NPR3: variants seen among roughly 807,000 people sequenced by gnomAD.
The protein encoded by NPR3 is atrial natriuretic peptide receptor 3.
Under a neutral mutation model 54.5 loss-of-function variants are expected in NPR3, and 34 were observed. The ratio of observed to expected loss-of-function variants is 0.62; its 90% CI spans 0.47 to 0.83. The LOEUF (loss-of-function observed/expected upper bound fraction) is 0.83. Among genes scored for constraint, NPR3 ranks in the 40% least tolerant of loss-of-function variants. NPR3 has a pLI of 0.00. For synonymous variants in NPR3, 289 were observed against 297.1 expected, an observed-to-expected ratio of 0.97 and a Z score of 0.28; for missense variants, 674 against 720.8, an observed-to-expected ratio of 0.94 and a Z score of 0.74.
intron 3 of NPR3, among the ~76,000 whole-genome samples, chr5:32,747,757 ATT>A (rs34349060): frequency 7.0e-4 from 95 of 135,862 alleles, no homozygotes; most frequent in African/African-American, 1.1e-3. Context: ...GGAGGCATGC[ATT>A]TTTTTTTTTT....
rs1738220969 is a variant in NPR3 at position 32,711,511 on chromosome 5, A to G, written c.-266A>G. 8.6e-7 allele frequency: 1 copy of G among 1,165,662 alleles called. No homozygotes were observed. Among genetic ancestry groups the G allele is most frequent in the African/African-American group, 1.6e-5 (1 of 63,138 alleles). 72.2% of individuals were successfully genotyped at this position (1,165,662 alleles called of 1,614,324 possible). ...GGCGAATATATACAAGTATATATAT[A>G]TGTATATTACAGACGCACAGGTTTA... On this transcript the variant is annotated 5_prime_UTR_variant, in exon 1 of 8. In the 5' UTR this introduces an upstream ATG that the reference lacks. Transcript: ENST00000265074.
chr5:32,729,562 C>A (rs531485963), intron 2 of NPR3, among the ~76,000 whole-genome samples: 2 of 152,136 alleles, frequency 1.3e-5, no homozygotes, highest in African/African-American at 4.8e-5. Context: ...TGTATGAACA[C>A]CATAGGTTTT....
upstream of NPR3, among the ~76,000 whole-genome samples, chr5:32,706,883 A>C (rs143544754): frequency 8.4e-3 from 1,284 of 152,314 alleles, 7 homozygotes; most frequent in Non-Finnish European, 0.014. Context: ...CACCACTCAG[A>C]AGAGTGTCTT....
At chr5:32,769,342 C>G (rs572657433) in intron 3 of NPR3, among the ~76,000 whole-genome samples, 1 of 152,198 alleles carries the variant, frequency 6.6e-6, no homozygotes, top group Admixed American at 6.5e-5. Context: ...TCCCAGACTA[C>G]TTCCTTCTGC....
chr5:32,775,315 C>G (rs1284326574), intron 4 of NPR3, among the ~76,000 whole-genome samples: 1 of 143,908 alleles, frequency 6.9e-6, no homozygotes, highest in South Asian at 2.2e-4. Flanking sequence ...TTTTTTGAGA[C>G]GGAGTTTTTG....
intron 3 of NPR3, among the ~76,000 whole-genome samples, chr5:32,752,238 C>T (rs552061948): frequency 5.4e-5 from 8 of 147,558 alleles, no homozygotes; most frequent in Admixed American, 3.3e-4. Context: ...AAAACAAAAA[C>T]AAAAACAAAA....
chr5:32,766,209 A>G (rs1236255749), intron 3 of NPR3, among the ~76,000 whole-genome samples: 1 of 152,204 alleles, frequency 6.6e-6, no homozygotes, highest in Non-Finnish European at 1.5e-5. Flanking sequence ...AGTTGAGTAG[A>G]ATTTTGTACT....
chr5:32,784,986 A>C, intron 7 of NPR3, 103 bp downstream of exon 7: 1 of 954,560 alleles, frequency 1.0e-6, no homozygotes, highest in Admixed American at 2.0e-5. Flanking sequence ...TCTTTCACCC[A>C]GGAAGCACGG....
intron 1 of NPR3, among the ~76,000 whole-genome samples, chr5:32,717,150 A>C (rs981700115): frequency 6.6e-6 from 1 of 152,076 alleles, no homozygotes; most frequent in African/African-American, 2.4e-5. Flanking sequence ...GATGGTTTCC[A>C]GCTTCATCCA....
At chr5:32,702,245 C>T (rs573801542) in intron 1 of NPR3, among the ~76,000 whole-genome samples, 1 of 152,236 alleles carries the variant, frequency 6.6e-6, no homozygotes, top group South Asian at 2.1e-4. Context: ...AGCCACATAA[C>T]AAATTCTTTT....
chr5:32,767,958 C>T (rs1034208831), intron 3 of NPR3, among the ~76,000 whole-genome samples: 3 of 152,178 alleles, frequency 2.0e-5, no homozygotes, highest in African/African-American at 7.2e-5. Context: ...TTGGGCCCCT[C>T]CTCTTTCCCT....
chr5:32,785,015 C>G, intron 7 of NPR3, 132 bp downstream of exon 7: 1 of 759,866 alleles, frequency 1.3e-6, no homozygotes, highest in Non-Finnish European at 2.2e-6. Flanking sequence ...AAATCTCAGC[C>G]ATTCTTTTGG....
intron 1 of NPR3, among the ~76,000 whole-genome samples, chr5:32,720,834 T>C (rs948481970): frequency 2.0e-5 from 3 of 152,334 alleles, no homozygotes; most frequent in Admixed American, 2.0e-4. Flanking sequence ...CTCCTGAATA[T>C]GCTGCACACT....
At chr5:32,717,256 T>A (rs1738607589) in intron 1 of NPR3, among the ~76,000 whole-genome samples, 1 of 152,238 alleles carries the variant, frequency 6.6e-6, no homozygotes, top group Non-Finnish European at 1.5e-5. Flanking sequence ...CTGTCACTGA[T>A]GGACATTTGA....
intron 2 of NPR3, among the ~76,000 whole-genome samples, chr5:32,736,089 G>T (rs1002814084): frequency 1.3e-5 from 2 of 151,732 alleles, no homozygotes; most frequent in African/African-American, 2.4e-5. Context: ...AAATTAGCCG[G>T]GTGTGGTGGC....
chr5:32,692,200 T>C (rs1461657990), intron 1 of NPR3, among the ~76,000 whole-genome samples: 2 of 152,180 alleles, frequency 1.3e-5, no homozygotes, highest in Admixed American at 6.5e-5. Flanking sequence ...GATTCACTAG[T>C]ACATGAATGA....
At chr5:32,715,567 T>A (rs1738502138) in intron 1 of NPR3, among the ~76,000 whole-genome samples, 1 of 152,218 alleles carries the variant, frequency 6.6e-6, no homozygotes, top group Non-Finnish European at 1.5e-5. Flanking sequence ...CTTTCGCTAA[T>A]GCCACTAAAA....
intron 2 of NPR3, among the ~76,000 whole-genome samples, chr5:32,733,017 G>C (rs992028450): frequency 1.3e-5 from 2 of 151,860 alleles, no homozygotes; most frequent in Non-Finnish European, 2.9e-5. Flanking sequence ...CTTAATTTTT[G>C]TATTTTTAGT....
At chr5:32,728,855 A>ATATATG (rs1159038498) in intron 2 of NPR3, among the ~76,000 whole-genome samples, 3 of 123,742 alleles carry the variant, frequency 2.4e-5, no homozygotes, top group African/African-American at 3.5e-5. Flanking sequence ...ATATATATAT[A>ATATATG]TATATATATA....
Sources: allele counts gnomAD v4.1 joint callset (sites outside exome capture counted in the v4.1 genomes callset), GRCh38; gene constraint gnomAD v4.1.1; transcripts MANE v1.5; gene names NCBI Gene and HGNC (gene_info 2026-07-23, HGNC 2026-07-21).